The following TENM1 variants were observed in gnomAD, a reference collection of about 807,000 sequenced individuals.
TENM1 encodes the protein teneurin-1.
TENM1 carries 35 observed loss-of-function variants against 174.8 expected under a neutral mutation model. The ratio of observed to expected loss-of-function variants is 0.20; its 90% CI spans 0.15 to 0.27. TENM1 has a LOEUF of 0.27. Among genes scored for constraint, TENM1 ranks in the 10% least tolerant of loss-of-function variants. The pLI is 1.00. For missense variants in TENM1, 1,633 were observed against 2,130.1 expected (o/e 0.77, Z 4.59); for synonymous variants, 781 against 798.7 (o/e 0.98, Z 0.37).
chrX:124,447,446 C>G (rs1321256102), intron 23 of TENM1, among the ~76,000 whole-genome samples: 1 of 111,715 alleles, frequency 9.0e-6, no homozygotes, highest in Non-Finnish European at 1.9e-5. Flanking sequence ...ATGCCAAAGC[C>G]TCTTCTTCCC....
chrX:125,123,028 T>C, the TENM1 span, among the ~76,000 whole-genome samples: 2 of 111,650 alleles, frequency 1.8e-5, no homozygotes, highest in Non-Finnish European at 3.8e-5. Context: ...CTTTCTGTAG[T>C]GACTGGGCTT....
chrX:124,980,485 A>T, the TENM1 span, among the ~76,000 whole-genome samples: 1 of 111,516 alleles, frequency 9.0e-6, no homozygotes, highest in African/African-American at 3.3e-5. Flanking sequence ...TAAAGGTCAT[A>T]AGCCAAGGGC....
At chrX:125,109,666 C>T in the TENM1 span, among the ~76,000 whole-genome samples, 2 of 111,409 alleles carry the variant, frequency 1.8e-5, no homozygotes, top group African/African-American at 6.5e-5. Context: ...TTCTCTGATC[C>T]TGCCCTCCCC....
chrX:124,609,317 C>A (rs2050232619), intron 11 of TENM1, among the ~76,000 whole-genome samples: 1 of 111,389 alleles, frequency 9.0e-6, no homozygotes, highest in Non-Finnish European at 1.9e-5. Flanking sequence ...AAAAAAGTCT[C>A]CCAAGCCAAG....
At chrX:125,182,177 C>T in the TENM1 span, among the ~76,000 whole-genome samples, 1,648 of 109,863 alleles carry the variant, frequency 0.015, 35 homozygotes, top group African/African-American at 0.052. Flanking sequence ...TGGCTCATGG[C>T]CCCTTCCTCC....
exon 28 of TENM1, chrX:124,392,106 A>G: frequency 8.3e-7 from 1 of 1,210,576 alleles, no homozygotes; most frequent in Non-Finnish European, 1.1e-6. Context: ...TTCTTGAAAT[A>G]ATTTTCCCAC....
At chrX:124,452,337 G>C (rs948040463) in intron 23 of TENM1, among the ~76,000 whole-genome samples, 1 of 112,254 alleles carries the variant, frequency 8.9e-6, no homozygotes, top group Non-Finnish European at 1.9e-5. Context: ...TCTCACACCA[G>C]TTAGAATGGC....
chrX:125,105,095 TTGA>T, the TENM1 span, among the ~76,000 whole-genome samples: 1 of 112,230 alleles, frequency 8.9e-6, no homozygotes, highest in South Asian at 3.7e-4. Flanking sequence ...TAGGTTTGGT[TTGA>T]TGATAAAATT....
At chrX:124,885,116 G>A (rs2057362081) in intron 3 of TENM1, among the ~76,000 whole-genome samples, 1 of 110,836 alleles carries the variant, frequency 9.0e-6, no homozygotes, top group African/African-American at 3.3e-5. Flanking sequence ...TCATATATAT[G>A]GTCTGTCATT....
chrX:125,090,144 T>C, the TENM1 span, among the ~76,000 whole-genome samples: 2 of 111,858 alleles, frequency 1.8e-5, no homozygotes, highest in East Asian at 5.6e-4. Flanking sequence ...GTGTCTGGAA[T>C]TGGAGGCTTC....
At chrX:125,148,651 C>T in the TENM1 span, among the ~76,000 whole-genome samples, 1 of 111,580 alleles carries the variant, frequency 9.0e-6, no homozygotes, top group African/African-American at 3.3e-5. Flanking sequence ...AATCTTACAA[C>T]AAACACTTCC....
chrX:124,778,797 C>G (rs1159566951), intron 3 of TENM1, among the ~76,000 whole-genome samples: 7 of 112,066 alleles, frequency 6.2e-5, no homozygotes, highest in African/African-American at 2.3e-4. Context: ...TATCTGCCTA[C>G]AGAGAAGCCC....
intron 11 of TENM1, among the ~76,000 whole-genome samples, chrX:124,634,537 G>A (rs1156232167): frequency 1.8e-5 from 2 of 110,765 alleles, no homozygotes; most frequent in African/African-American, 6.6e-5. Flanking sequence ...TCCTCATGGT[G>A]TTTGCATTAC....
the TENM1 span, among the ~76,000 whole-genome samples, chrX:125,098,462 G>A: frequency 5.4e-5 from 6 of 111,616 alleles, no homozygotes; most frequent in South Asian, 3.7e-4. Context: ...GATTGATTGC[G>A]TTTGTAGTTG....
At chrX:124,937,790 A>T (rs1487353387) in intron 1 of TENM1, among the ~76,000 whole-genome samples, 1 of 111,929 alleles carries the variant, frequency 8.9e-6, no homozygotes, top group African/African-American at 3.2e-5. Flanking sequence ...GCTATTTTTC[A>T]TCCTGCCTCA....
At chrX:124,815,689 C>A (rs1046081892) in intron 3 of TENM1, among the ~76,000 whole-genome samples, 1 of 109,995 alleles carries the variant, frequency 9.1e-6, no homozygotes, top group Non-Finnish European at 1.9e-5. Flanking sequence ...AAAAAGAGTA[C>A]TTTAGTTGAA....
intron 5 of TENM1, among the ~76,000 whole-genome samples, chrX:124,693,861 T>C (rs1374192718): frequency 4.5e-5 from 5 of 111,246 alleles, no homozygotes; most frequent in South Asian, 7.6e-4. Flanking sequence ...TGAAATATTT[T>C]AGTTTCCTGG....
chrX:124,967,693 T>C (rs1412376641), upstream of TENM1, among the ~76,000 whole-genome samples: 1 of 111,832 alleles, frequency 8.9e-6, no homozygotes, highest in Non-Finnish European at 1.9e-5. Context: ...CACTCCTCCA[T>C]CCACACAAGC....
chrX:124,424,929 T>C (rs1246270375), intron 23 of TENM1, among the ~76,000 whole-genome samples: 1 of 111,394 alleles, frequency 9.0e-6, no homozygotes, highest in Non-Finnish European at 1.9e-5. Flanking sequence ...AGAATCATGC[T>C]TCTTGTACAG....
Sources: gnomAD v4.1 joint callset for allele counts (sites outside exome capture counted in the v4.1 genomes callset) on GRCh38, gnomAD v4.1.1 for gene constraint, MANE v1.5 for transcripts, NCBI Gene and HGNC (gene_info 2026-07-23, HGNC 2026-07-21) for gene names.